PEBP4: variants seen among roughly 807,000 people sequenced by gnomAD.
PEBP4 encodes the protein phosphatidylethanolamine-binding protein 4.
In PEBP4, 22 loss-of-function variants were observed where a neutral mutation model predicts 23.9. The ratio of observed to expected loss-of-function variants is 0.92; its 90% CI spans 0.66 to 1.31. PEBP4 has a LOEUF of 1.31. Ranked by LOEUF, PEBP4 falls within the 40% of genes most tolerant of loss-of-function variation. The pLI, the probability that PEBP4 is intolerant of heterozygous loss-of-function variation, is 0.00. For synonymous variants in PEBP4, 112 were observed against 99.3 expected (o/e 1.13, Z -0.76); for missense variants, 324 against 281.7 (o/e 1.15, Z -1.07).
chr8:22,731,768 C>G (rs1361955430), intron 4 of PEBP4, among the ~76,000 whole-genome samples: 1 of 151,890 alleles, frequency 6.6e-6, no homozygotes, highest in Non-Finnish European at 1.5e-5. Context: ...ATGCCATTCT[C>G]CTGCCTCAGC....
intron 4 of PEBP4, among the ~76,000 whole-genome samples, chr8:22,749,805 CTT>C (rs71206545): frequency 0.017 from 1,404 of 83,754 alleles, 114 homozygotes; most frequent in Middle Eastern, 0.066. Context: ...GTTTGTCATT[CTT>C]TTTTTTTTTT....
At chr8:22,885,636 C>A (rs754136373) in intron 3 of PEBP4, 1 of 152,282 alleles carries the variant, frequency 6.6e-6, no homozygotes, top group Non-Finnish European at 1.5e-5. Flanking sequence ...TAGAAGGACA[C>A]AAGAGACAGT....
chr8:22,713,278 AAAG>A lies in PEBP4; in HGVS notation c.*89_*91del, dbSNP rs1804343129. ...CTGGATGATTTTTTTTTTATTTGGA[AAAG>A]AAGGGGTTCTGTATCCAGAGGGGGT... On this transcript the variant is annotated 3_prime_UTR_variant, in exon 7 of 7. Coordinates refer to ENST00000256404, the MANE Select transcript of PEBP4 (RefSeq NM_144962.3). The A allele has an allele frequency of 1.4e-6, 2 of 1,450,186 alleles. No homozygotes were observed. Among genetic ancestry groups the A allele is most frequent in the South Asian group, 3.0e-5 (2 of 67,038 alleles). The allele number at this position is 1,450,186 out of a possible 1,614,324, so 89.8% of individuals were successfully genotyped here.
intron 3 of PEBP4, among the ~76,000 whole-genome samples, chr8:22,914,576 T>C (rs1809029980): frequency 6.6e-6 from 1 of 152,232 alleles, no homozygotes; most frequent in South Asian, 2.1e-4. Context: ...GTGCGTTTCC[T>C]GTGGCCTCAC....
At chr8:22,922,663 C>T (rs1809234241) in intron 2 of PEBP4, among the ~76,000 whole-genome samples, 1 of 151,882 alleles carries the variant, frequency 6.6e-6, no homozygotes, top group African/African-American at 2.4e-5. Flanking sequence ...GAGGTAGAAG[C>T]TGCAGTGAGC....
chr8:22,926,662 A>G (rs1246851131), intron 2 of PEBP4, among the ~76,000 whole-genome samples: 1 of 152,260 alleles, frequency 6.6e-6, no homozygotes, highest in Non-Finnish European at 1.5e-5. Flanking sequence ...TTACTTTTTA[A>G]GAAGGATTCA....
intron 1 of PEBP4, among the ~76,000 whole-genome samples, chr8:22,934,963 G>T (rs1037236649): frequency 6.6e-6 from 1 of 152,112 alleles, no homozygotes; most frequent in Non-Finnish European, 1.5e-5. Context: ...AACAGGGATG[G>T]CTATATTAAT....
intron 3 of PEBP4, among the ~76,000 whole-genome samples, chr8:22,899,943 C>T (rs1458437312): frequency 1.3e-5 from 2 of 152,050 alleles, no homozygotes; most frequent in African/African-American, 2.4e-5. Context: ...TGAGTGACAA[C>T]GGGAGGAGCA....
intron 1 of PEBP4, among the ~76,000 whole-genome samples, chr8:22,938,310 T>G (rs1484883239): frequency 1.3e-5 from 2 of 152,110 alleles, no homozygotes; most frequent in African/African-American, 4.8e-5. Context: ...CTCTAGGCCT[T>G]TTTGCACAAA....
intron 3 of PEBP4, among the ~76,000 whole-genome samples, chr8:22,821,001 TG>T (rs1466035360): frequency 6.6e-6 from 1 of 151,862 alleles, no homozygotes; most frequent in Non-Finnish European, 1.5e-5. Context: ...CAGACCCACC[TG>T]GGCAACATGG....
At chr8:22,721,959 C>T (rs1296802907) in intron 6 of PEBP4, among the ~76,000 whole-genome samples, 2 of 152,194 alleles carry the variant, frequency 1.3e-5, no homozygotes, top group Admixed American at 6.5e-5. Context: ...GGTTCATCCA[C>T]ACCTCACTGC....
intron 3 of PEBP4, among the ~76,000 whole-genome samples, chr8:22,834,375 C>T (rs1807156049): frequency 2.0e-5 from 3 of 152,334 alleles, no homozygotes; most frequent in South Asian, 4.1e-4. Context: ...TCCCCAAGGA[C>T]GGGTTCGAAT....
intron 3 of PEBP4, among the ~76,000 whole-genome samples, chr8:22,893,430 C>A (rs1374716693): frequency 2.0e-5 from 3 of 151,974 alleles, no homozygotes; most frequent in African/African-American, 4.8e-5. Context: ...TGTAAAGAAG[C>A]AGGAAAATAG....
At chr8:22,891,736 C>T (rs1808498983) in intron 3 of PEBP4, among the ~76,000 whole-genome samples, 1 of 152,328 alleles carries the variant, frequency 6.6e-6, no homozygotes, top group African/African-American at 2.4e-5. Flanking sequence ...GACCCTTCCT[C>T]ATCATCCTCC....
rs971120680 is a variant in PEBP4, at chr8:22,875,295, CT to C, written c.258+44888del. 8.2e-3 allele frequency among the ~76,000 whole-genome samples: 1,253 copies of C among 152,176 alleles called. 13 individuals are homozygous for C. Among genetic ancestry groups the C allele is most frequent in the African/African-American group, 0.028 (1,177 of 41,514 alleles). ...TTAGAAATAATGTATATGTGAGCCC[CT>C]TTTATTTTCTTTTTCCCCTTTCTTC... is the stretch of plus-strand genomic sequence containing the variant. On this transcript the variant is annotated intron_variant, in intron 3 of 6. Transcript: ENST00000256404.
intron 3 of PEBP4, among the ~76,000 whole-genome samples, chr8:22,835,176 G>C (rs1807175873): frequency 1.3e-5 from 2 of 152,210 alleles, no homozygotes; most frequent in African/African-American, 4.8e-5. Context: ...CTAAGGTATA[G>C]TTTACTGATC....
intron 3 of PEBP4, among the ~76,000 whole-genome samples, chr8:22,881,064 C>G (rs1808245041): frequency 6.6e-6 from 1 of 152,232 alleles, no homozygotes; most frequent in South Asian, 2.1e-4. Context: ...TCTAGAGGTA[C>G]TGGCAGGAAA....
At chr8:22,721,863 C>T (rs542701259) in intron 6 of PEBP4, among the ~76,000 whole-genome samples, 3 of 152,260 alleles carry the variant, frequency 2.0e-5, no homozygotes, top group South Asian at 2.1e-4. Context: ...CCCCAGGCAC[C>T]GTCCAGGTGC....
At chr8:22,937,279 T>G (rs368458925) in intron 1 of PEBP4, among the ~76,000 whole-genome samples, 2 of 152,164 alleles carry the variant, frequency 1.3e-5, no homozygotes, top group African/African-American at 4.8e-5. Context: ...AAAAATCAAA[T>G]GCATTTCTTT....
Sources: allele counts gnomAD v4.1 joint callset (sites outside exome capture counted in the v4.1 genomes callset), GRCh38; gene constraint gnomAD v4.1.1; transcripts MANE v1.5; gene names NCBI Gene and HGNC (gene_info 2026-07-23, HGNC 2026-07-21).